The following PTPRG variants were observed in gnomAD, a reference collection of about 807,000 sequenced individuals.
The protein encoded by PTPRG is protein tyrosine phosphatase receptor type G, also known as receptor-type tyrosine-protein phosphatase gamma.
PTPRG carries 102 observed loss-of-function variants against 165.3 expected under a neutral mutation model. The observed-to-expected ratio is 0.62, with a 90% CI of 0.53 to 0.73. The LOEUF (loss-of-function observed/expected upper bound fraction) is 0.73, where lower values mean the gene tolerates loss of function less well. Among genes scored for constraint, PTPRG ranks in the 30% least tolerant of loss-of-function variants. PTPRG has a pLI of 0.00. For synonymous variants in PTPRG, 675 were observed against 669.5 expected (o/e 1.01, Z -0.13); for missense variants, 1,866 against 1,861.4 (o/e 1.00, Z -0.05).
chr3:62,227,201 A>G (rs1700782653), intron 13 of PTPRG, among the ~76,000 whole-genome samples: 1 of 152,158 alleles, frequency 6.6e-6, no homozygotes, highest in African/African-American at 2.4e-5. Flanking sequence ...AGCAACAATG[A>G]CACCAGAGCT....
intron 2 of PTPRG, among the ~76,000 whole-genome samples, chr3:61,758,951 G>A (rs2033735061): frequency 6.6e-6 from 1 of 152,122 alleles, no homozygotes; most frequent in South Asian, 2.1e-4. Flanking sequence ...AAGTAACTCA[G>A]TCACAAGCTT....
chr3:61,717,107 C>G (rs2031843117), intron 1 of PTPRG, among the ~76,000 whole-genome samples: 3 of 152,310 alleles, frequency 2.0e-5, no homozygotes, highest in Non-Finnish European at 2.9e-5. Context: ...TGTTATATAG[C>G]TGTTTCATGG....
intron 1 of PTPRG, among the ~76,000 whole-genome samples, chr3:61,712,459 T>C (rs9844426): frequency 0.23 from 34,241 of 151,962 alleles, 4,133 homozygotes; most frequent in African/African-American, 0.28. Context: ...ATAATTCCCA[T>C]GTGTCGAAGG....
At chr3:61,626,973 A>G (rs1166436066) in intron 1 of PTPRG, among the ~76,000 whole-genome samples, 2 of 152,220 alleles carry the variant, frequency 1.3e-5, no homozygotes, top group African/African-American at 4.8e-5. Context: ...TGATCCTGTT[A>G]TATCCAATTT....
rs146501243 is a variant in PTPRG, at chr3:62,002,452, A to AC, written c.371-897_371-896insC. Among the ~76,000 whole-genome samples, 917 of 152,316 alleles carry AC rather than the reference A, an allele frequency of 6.0e-3. 15 individuals carry two copies. The highest frequency in any genetic ancestry group is 0.021 in the African/African-American group (875 of 41,540). Reference sequence around the variant, plus strand: ...GAATGAATGAATCCACTTCTAGAGAAACAAAAAAAGGGAATATATCTCTTG... The same window carrying AC: ...GAATGAATGAATCCACTTCTAGAGAACACAAAAAAAGGGAATATATCTCTTG... On this transcript the variant is annotated intron_variant, in intron 3 of 29. Coordinates refer to ENST00000474889, the MANE Select transcript of PTPRG (RefSeq NM_002841.4).
chr3:61,812,649 A>G (rs1261334108), intron 2 of PTPRG, among the ~76,000 whole-genome samples: 1 of 152,166 alleles, frequency 6.6e-6, no homozygotes, highest in Non-Finnish European at 1.5e-5. Flanking sequence ...CACAGTAGAG[A>G]TTCTTAAGGG....
intron 28 of PTPRG, among the ~76,000 whole-genome samples, chr3:62,291,121 A>G (rs1316080053): frequency 6.6e-6 from 1 of 152,196 alleles, no homozygotes; most frequent in East Asian, 1.9e-4. Flanking sequence ...ATTCATAAAA[A>G]GACATTCAGC....
At chr3:61,633,246 T>C (rs6799200) in intron 1 of PTPRG, among the ~76,000 whole-genome samples, 12,571 of 152,150 alleles carry the variant, frequency 0.083, 1,157 homozygotes, top group African/African-American at 0.23. Flanking sequence ...ATGATGGGAG[T>C]GGCAGGGATT....
chr3:61,666,895 A>G (rs951837153), intron 1 of PTPRG, among the ~76,000 whole-genome samples: 8 of 152,310 alleles, frequency 5.3e-5, no homozygotes, highest in Non-Finnish European at 8.8e-5. Flanking sequence ...TCTTTGTTCA[A>G]AAATGGTGTA....
chr3:62,194,973 T>C (rs1016433669), intron 9 of PTPRG, 89 bp from the exon 10 acceptor site: 2 of 1,240,414 alleles, frequency 1.6e-6, no homozygotes, highest in African/African-American at 3.0e-5. Context: ...CTGTCAGGCA[T>C]TGTCACGGCA....
At chr3:61,785,049 A>T (rs1256294826) in intron 2 of PTPRG, among the ~76,000 whole-genome samples, 1 of 152,210 alleles carries the variant, frequency 6.6e-6, no homozygotes, top group Non-Finnish European at 1.5e-5. Context: ...GCATTTATAA[A>T]TAGCTAAGGG....
At chr3:62,069,702 A>G (rs1407984500) in intron 4 of PTPRG, among the ~76,000 whole-genome samples, 1 of 150,310 alleles carries the variant, frequency 6.7e-6, no homozygotes, top group East Asian at 2.0e-4. Flanking sequence ...AGACACACGC[A>G]CACACACACA....
At chr3:62,212,316 A>T (rs1176962653) in intron 12 of PTPRG, among the ~76,000 whole-genome samples, 1 of 152,108 alleles carries the variant, frequency 6.6e-6, no homozygotes, top group Admixed American at 6.5e-5. Context: ...CACAGATCCA[A>T]ATGTGCTGAG....
At chr3:61,629,830 T>G (rs184710319) in intron 1 of PTPRG, among the ~76,000 whole-genome samples, 76 of 152,366 alleles carry the variant, frequency 5.0e-4, no homozygotes, top group South Asian at 3.3e-3. Context: ...GCTCTCTGTG[T>G]TAACTGGCAT....
chr3:61,903,640 C>T (rs2038559988), intron 2 of PTPRG, among the ~76,000 whole-genome samples: 1 of 152,172 alleles, frequency 6.6e-6, no homozygotes, highest in African/African-American at 2.4e-5. Context: ...TCCCAAAGTG[C>T]TGGGGTTAAT....
intron 2 of PTPRG, among the ~76,000 whole-genome samples, chr3:61,816,996 T>G (rs1278973198): frequency 1.6e-5 from 2 of 126,886 alleles, no homozygotes; most frequent in South Asian, 4.5e-4. Flanking sequence ...TATATATATA[T>G]TATATAATAT....
chr3:62,055,740 G>T (rs751321707), intron 4 of PTPRG, among the ~76,000 whole-genome samples: 7 of 152,072 alleles, frequency 4.6e-5, no homozygotes, highest in Admixed American at 1.3e-4. Flanking sequence ...ACATTTCTTG[G>T]CTTTGTAGAT....
chr3:61,605,096 C>T (rs1700966212), intron 1 of PTPRG, among the ~76,000 whole-genome samples: 1 of 152,190 alleles, frequency 6.6e-6, no homozygotes, highest in Admixed American at 6.5e-5. Context: ...AAACTGGCAT[C>T]TCCCATTCGC....
In PTPRG at chr3:61,834,021, A is replaced by G. The variant is rs145404298; in HGVS notation, c.190+85039A>G. 3.9e-3 allele frequency among the ~76,000 whole-genome samples: 589 copies of G among 152,316 alleles called. 1 individual carries two copies. The highest frequency in any genetic ancestry group is 0.014 in the African/African-American group (562 of 41,576). Reference sequence around the variant, plus strand: ...ACAGTAACTTAAAATGATTAATAACATGGAGGTCAGCTTAGGATTTCAGAA... The same window carrying G: ...ACAGTAACTTAAAATGATTAATAACGTGGAGGTCAGCTTAGGATTTCAGAA... On this transcript the variant is annotated intron_variant, in intron 2 of 29. Coordinates refer to ENST00000474889, the MANE Select transcript of PTPRG (RefSeq NM_002841.4).
Sources: gnomAD v4.1 joint callset for allele counts (sites outside exome capture counted in the v4.1 genomes callset) on GRCh38, gnomAD v4.1.1 for gene constraint, MANE v1.5 for transcripts, NCBI Gene and HGNC (gene_info 2026-07-23, HGNC 2026-07-21) for gene names.